CDK14: variants seen among roughly 807,000 people sequenced by gnomAD.
CDK14 encodes cyclin dependent kinase 14.
In CDK14, 34 loss-of-function variants were observed where a neutral mutation model predicts 60.7. The ratio of observed to expected loss-of-function variants is 0.56; its 90% CI spans 0.43 to 0.75. The LOEUF (loss-of-function observed/expected upper bound fraction) is 0.75, where lower values mean the gene tolerates loss of function less well. Ranked by LOEUF, CDK14 falls within the 30% of genes least tolerant of loss-of-function variation. CDK14 has a pLI of 0.00. For synonymous variants in CDK14, 197 were observed against 203.7 expected, an observed-to-expected ratio of 0.97 and a Z score of 0.28; for missense variants, 482 against 564.1, an observed-to-expected ratio of 0.85 and a Z score of 1.47.
intron 12 of CDK14, among the ~76,000 whole-genome samples, chr7:91,102,537 G>C (rs547238476): frequency 4.6e-5 from 7 of 151,876 alleles, no homozygotes; most frequent in African/African-American, 1.7e-4. Flanking sequence ...CCACCCTTGG[G>C]AACAAAATGT....
At chr7:91,053,552 C>A (rs909770275) in intron 11 of CDK14, among the ~76,000 whole-genome samples, 1 of 152,152 alleles carries the variant, frequency 6.6e-6, no homozygotes, top group African/African-American at 2.4e-5. Flanking sequence ...CATATTCTTC[C>A]GCCCTTTAAA....
intron 14 of CDK14, among the ~76,000 whole-genome samples, chr7:91,149,055 T>C (rs1336520156): frequency 6.6e-6 from 1 of 152,196 alleles, no homozygotes; most frequent in Non-Finnish European, 1.5e-5. Flanking sequence ...TGACTTTTGC[T>C]ATAAAACAAT....
At chr7:91,124,352 C>G (rs1285317934) in intron 14 of CDK14, among the ~76,000 whole-genome samples, 1 of 152,190 alleles carries the variant, frequency 6.6e-6, no homozygotes, top group Non-Finnish European at 1.5e-5. Context: ...CCATCACATA[C>G]AAATTTGTGC....
intron 14 of CDK14, among the ~76,000 whole-genome samples, chr7:91,189,504 T>G (rs946873945): frequency 1.1e-4 from 17 of 152,216 alleles, no homozygotes; most frequent in African/African-American, 4.1e-4. Flanking sequence ...CAATTACCAC[T>G]TAAAATTTCA....
chr7:90,958,779 T>G (rs975816696), intron 9 of CDK14, among the ~76,000 whole-genome samples: 1 of 152,182 alleles, frequency 6.6e-6, no homozygotes, highest in Non-Finnish European at 1.5e-5. Context: ...TAGGTTGTCT[T>G]TCAATGAGGT....
chr7:90,832,933 CAGT>C (rs1026960275), intron 5 of CDK14, among the ~76,000 whole-genome samples: 1 of 152,194 alleles, frequency 6.6e-6, no homozygotes, highest in Non-Finnish European at 1.5e-5. Flanking sequence ...CTGGGACTGT[CAGT>C]GGTGTCTGCA....
intron 5 of CDK14, 57 bp from the exon 6 acceptor site, chr7:90,863,118 T>C (rs1355661685): frequency 1.1e-6 from 1 of 893,928 alleles, no homozygotes; most frequent in African/African-American, 1.7e-5. Flanking sequence ...TATAATGGTA[T>C]ATATTAGTTG....
At chr7:91,024,012 A>G (rs1042094023) in intron 10 of CDK14, among the ~76,000 whole-genome samples, 4 of 152,020 alleles carry the variant, frequency 2.6e-5, no homozygotes, top group African/African-American at 9.7e-5. Context: ...ACCTCAAATG[A>G]TCTGCCCACC....
intron 11 of CDK14, among the ~76,000 whole-genome samples, chr7:91,053,156 A>G (rs1312261738): frequency 1.3e-5 from 2 of 152,184 alleles, no homozygotes; most frequent in Admixed American, 1.3e-4. Flanking sequence ...GTTTTATGCT[A>G]TATTTTATTA....
intron 4 of CDK14, among the ~76,000 whole-genome samples, chr7:90,782,856 T>C (rs972086438): frequency 2.6e-5 from 4 of 152,102 alleles, no homozygotes; most frequent in Admixed American, 6.6e-5. Flanking sequence ...ATAGAGGAGT[T>C]GGGGTTCCAT....
chr7:90,994,027 A>C (rs572106461), intron 10 of CDK14, among the ~76,000 whole-genome samples: 2 of 152,316 alleles, frequency 1.3e-5, no homozygotes, highest in African/African-American at 4.8e-5. Context: ...TATTTTTAAC[A>C]TATATGACTA....
At chr7:91,107,203 T>C (rs1240044978) in intron 12 of CDK14, among the ~76,000 whole-genome samples, 4 of 152,250 alleles carry the variant, frequency 2.6e-5, no homozygotes, top group Admixed American at 6.5e-5. Context: ...GTGTGGTACA[T>C]TGAAGTAGAC....
At chr7:90,599,750 C>T (rs1207416073) in intron 1 of CDK14, among the ~76,000 whole-genome samples, 1 of 152,168 alleles carries the variant, frequency 6.6e-6, no homozygotes, top group Non-Finnish European at 1.5e-5. Context: ...AATAGACATG[C>T]TGACTTTATT....
At chr7:91,110,735 T>A (rs920662871) in intron 12 of CDK14, among the ~76,000 whole-genome samples, 2 of 152,324 alleles carry the variant, frequency 1.3e-5, no homozygotes, top group South Asian at 2.1e-4. Context: ...ATGATAGCAG[T>A]ATTAAGCCTG....
chr7:90,940,431 A>T (rs192059337), intron 8 of CDK14, among the ~76,000 whole-genome samples: 466 of 152,148 alleles, frequency 3.1e-3, no homozygotes, highest in African/African-American at 0.011. Context: ...AGTTATTTTT[A>T]GTCATTTGCT....
intron 2 of CDK14, among the ~76,000 whole-genome samples, chr7:90,661,846 C>G (rs1800870566): frequency 6.7e-6 from 1 of 149,186 alleles, no homozygotes; most frequent in Non-Finnish European, 1.5e-5. Flanking sequence ...GCAAGGCTGG[C>G]TCAATTCATA....
At chr7:90,668,328 C>G (rs1259148308) in intron 2 of CDK14, among the ~76,000 whole-genome samples, 1 of 152,134 alleles carries the variant, frequency 6.6e-6, no homozygotes, top group Non-Finnish European at 1.5e-5. Context: ...GGAGAAATGT[C>G]TGTTCAAATC....
intron 4 of CDK14, among the ~76,000 whole-genome samples, chr7:90,768,782 G>A (rs1804669332): frequency 6.6e-6 from 1 of 152,118 alleles, no homozygotes. Context: ...TAAAATCATG[G>A]TAAAACGAAG....
intron 14 of CDK14, among the ~76,000 whole-genome samples, chr7:91,174,078 C>G (rs1407096439): frequency 2.6e-5 from 4 of 152,134 alleles, no homozygotes; most frequent in Admixed American, 2.0e-4. Flanking sequence ...TTGAAGAGAG[C>G]AGTGGTTCTC....
Sources: gnomAD v4.1 joint callset for allele counts (sites outside exome capture counted in the v4.1 genomes callset) on GRCh38, gnomAD v4.1.1 for gene constraint, MANE v1.5 for transcripts, NCBI Gene and HGNC (gene_info 2026-07-23, HGNC 2026-07-21) for gene names.